PVT1: variants seen among roughly 807,000 people sequenced by gnomAD.
The protein encoded by PVT1 is CXCR4/PVT1 fusion.
chr8:127,920,484 AG>A (rs1158098225), intron 3 of PVT1, among the ~76,000 whole-genome samples: 2 of 152,226 alleles, frequency 1.3e-5, no homozygotes, highest in African/African-American at 4.8e-5. Flanking sequence ...GACTAATACT[AG>A]TACCCACCTT....
chr8:127,987,182 C>T (rs915038422), intron 3 of PVT1, among the ~76,000 whole-genome samples: 4 of 152,222 alleles, frequency 2.6e-5, no homozygotes, highest in Admixed American at 6.5e-5. Context: ...CTAGTAAAGG[C>T]GCTGTTGTTA....
chr8:127,911,075 C>G (rs1275077559), intron 3 of PVT1, among the ~76,000 whole-genome samples: 1 of 152,148 alleles, frequency 6.6e-6, no homozygotes, highest in African/African-American at 2.4e-5. Flanking sequence ...CTGTCACTCC[C>G]AGAACCTGAG....
At chr8:127,987,643 G>T (rs1563658475) in intron 3 of PVT1, among the ~76,000 whole-genome samples, 1 of 152,210 alleles carries the variant, frequency 6.6e-6, no homozygotes, top group Non-Finnish European at 1.5e-5. Context: ...AGAAACTGAG[G>T]CTCAGAGAGC....
At chr8:128,086,684 C>G (rs1814261925) in intron 5 of PVT1, among the ~76,000 whole-genome samples, 1 of 152,222 alleles carries the variant, frequency 6.6e-6, no homozygotes, top group Admixed American at 6.5e-5. Context: ...TATGGGTTTT[C>G]CGATAAGGAT....
chr8:127,796,072 G>T (rs1324793706), intron 2 of PVT1: 2 of 170,288 alleles, frequency 1.2e-5, no homozygotes, highest in Non-Finnish European at 2.9e-5. Flanking sequence ...CCACTTACGG[G>T]TATGACTGTG....
chr8:127,939,603 T>TC (rs1816323881), intron 3 of PVT1: 1 of 152,200 alleles, frequency 6.6e-6, no homozygotes, highest in Admixed American at 6.5e-5. Context: ...CTGAATCATC[T>TC]CCCCTTTGAG....
At chr8:127,807,990 G>C (rs895169938) in intron 2 of PVT1, among the ~76,000 whole-genome samples, 3 of 151,710 alleles carry the variant, frequency 2.0e-5, no homozygotes, top group Admixed American at 2.0e-4. Flanking sequence ...GGATGGTCTC[G>C]ATCTCCTGAC....
At chr8:127,971,847 G>A (rs947129284) in intron 3 of PVT1, among the ~76,000 whole-genome samples, 4 of 152,114 alleles carry the variant, frequency 2.6e-5, no homozygotes, top group African/African-American at 4.8e-5. Flanking sequence ...GAGGCTTCAG[G>A]CTGTTTACTG....
At chr8:127,957,770 T>C (rs1326617520) in intron 3 of PVT1, among the ~76,000 whole-genome samples, 1 of 152,226 alleles carries the variant, frequency 6.6e-6, no homozygotes, top group African/African-American at 2.4e-5. Flanking sequence ...CAGCTTGTGC[T>C]GCGCAGCTGA....
At chr8:128,051,355 G>A (rs1391826025) in intron 4 of PVT1, among the ~76,000 whole-genome samples, 1 of 152,216 alleles carries the variant, frequency 6.6e-6, no homozygotes, top group Non-Finnish European at 1.5e-5. Context: ...CTTCCCTTCA[G>A]ATGGATGCCC....
intron 4 of PVT1, among the ~76,000 whole-genome samples, chr8:128,013,712 AC>A (rs1266433554): frequency 6.6e-6 from 1 of 152,154 alleles, no homozygotes; most frequent in East Asian, 1.9e-4. Flanking sequence ...TAGTTGTGTC[AC>A]CTGCATTCTT....
chr8:127,954,991 A>T (rs1816552443), intron 3 of PVT1, among the ~76,000 whole-genome samples: 1 of 152,232 alleles, frequency 6.6e-6, no homozygotes, highest in Non-Finnish European at 1.5e-5. Context: ...TACAGTACGC[A>T]TATCATACTA....
intron 2 of PVT1, among the ~76,000 whole-genome samples, chr8:127,818,031 TA>T (rs1794468807): frequency 6.6e-6 from 1 of 152,034 alleles, no homozygotes; most frequent in Admixed American, 6.6e-5. Context: ...GGGCAGTAAC[TA>T]GCAGAAGGGA....
intron 3 of PVT1, among the ~76,000 whole-genome samples, chr8:127,942,512 C>G (rs1488826979): frequency 1.3e-5 from 2 of 152,156 alleles, no homozygotes; most frequent in Non-Finnish European, 2.9e-5. Flanking sequence ...CCTGGAAGAG[C>G]CCCTGAAGGC....
chr8:128,046,533 G>A (rs912554934), intron 4 of PVT1, among the ~76,000 whole-genome samples: 14 of 152,318 alleles, frequency 9.2e-5, no homozygotes, highest in African/African-American at 2.6e-4. Flanking sequence ...TCACTAGTTC[G>A]TGCTCCATGG....
chr8:127,883,143 C>T (rs560961554), intron 2 of PVT1, among the ~76,000 whole-genome samples: 1 of 151,930 alleles, frequency 6.6e-6, no homozygotes, highest in Admixed American at 6.6e-5. Context: ...AAGGCACAGC[C>T]ACACACACAC....
intron 2 of PVT1, among the ~76,000 whole-genome samples, chr8:127,844,160 A>G (rs1815005182): frequency 6.6e-6 from 1 of 151,350 alleles, no homozygotes; most frequent in African/African-American, 2.4e-5. Flanking sequence ...TTTTTTTTGT[A>G]TTTTTAGTAG....
At chr8:127,863,130 G>A (rs983442822) in intron 2 of PVT1, among the ~76,000 whole-genome samples, 7 of 125,796 alleles carry the variant, frequency 5.6e-5, no homozygotes, top group East Asian at 4.9e-4. Flanking sequence ...TTATTTTTCC[G>A]AGACCGTGTC....
chr8:127,982,783 C>T (rs1313064985), intron 3 of PVT1, among the ~76,000 whole-genome samples: 1 of 152,136 alleles, frequency 6.6e-6, no homozygotes, highest in Admixed American at 6.5e-5. Flanking sequence ...ACAAAGTTTT[C>T]CAATGAAGAC....
Sources: allele counts gnomAD v4.1 joint callset (sites outside exome capture counted in the v4.1 genomes callset), GRCh38; gene constraint gnomAD v4.1.1; transcripts MANE v1.5; gene names NCBI Gene and HGNC (gene_info 2026-07-23, HGNC 2026-07-21).